The following PKP1 variants were observed in gnomAD, a reference collection of about 807,000 sequenced individuals.
The protein encoded by PKP1 is plakophilin 1.
In PKP1, 27 loss-of-function variants were observed where a neutral mutation model predicts 76.4. The observed-to-expected ratio is 0.35, with a 90% CI of 0.26 to 0.49. The LOEUF (loss-of-function observed/expected upper bound fraction) is 0.49, where lower values mean the gene tolerates loss of function less well. PKP1 is among the 20% of genes least tolerant of loss of function. The probability of loss-of-function intolerance (pLI) is 0.99; values close to 1 mark genes in which losing one functional copy is unlikely to be tolerated. For synonymous variants in PKP1, 404 were observed against 384.2 expected (o/e 1.05, Z -0.60); for missense variants, 964 against 955.2 (o/e 1.01, Z -0.12).
chr1:201,286,399 C>T (rs1655739006), intron 1 of PKP1, among the ~76,000 whole-genome samples: 1 of 152,172 alleles, frequency 6.6e-6, no homozygotes, highest in African/African-American at 2.4e-5. Context: ...GCTCCTTGTA[C>T]CCCAGGAAGG....
intron 12 of PKP1, among the ~76,000 whole-genome samples, chr1:201,327,563 G>A (rs985624277): frequency 5.9e-5 from 9 of 152,050 alleles, no homozygotes; most frequent in Non-Finnish European, 1.0e-4. Flanking sequence ...GCTTCCTCCC[G>A]CTGTGTAATG....
intron 2 of PKP1, among the ~76,000 whole-genome samples, chr1:201,303,103 C>G (rs959152558): frequency 6.6e-6 from 1 of 152,254 alleles, no homozygotes; most frequent in Non-Finnish European, 1.5e-5. Flanking sequence ...TCTACTGTCA[C>G]AATTTTTGCA....
chr1:201,288,833 G>A (rs1655815150), intron 1 of PKP1, among the ~76,000 whole-genome samples: 1 of 152,184 alleles, frequency 6.6e-6, no homozygotes, highest in Non-Finnish European at 1.5e-5. Context: ...TCTGCTGAAA[G>A]AGCAGCAGGA....
Position 201,320,393 on chromosome 1 carries a change from C to G in PKP1, c.1347+12C>G, listed in dbSNP as rs373697834. 1 of 1,553,410 alleles carries G rather than the reference C, an allele frequency of 6.4e-7. No homozygotes were observed. The highest frequency in any genetic ancestry group is 8.9e-7 in the Non-Finnish European group (1 of 1,124,796). Reference sequence around the variant, plus strand: ...GCTGTGACGACAAGGTGAGTGCATCCCCTGGTGGCACCCTGACCCCTAGGC... The same window carrying G: ...GCTGTGACGACAAGGTGAGTGCATCGCCTGGTGGCACCCTGACCCCTAGGC... On this transcript the variant is annotated intron_variant, in intron 7 of 13. Transcript: ENST00000367324.
At chr1:201,306,348 C>T (rs76906332) in intron 2 of PKP1, among the ~76,000 whole-genome samples, 62 of 152,326 alleles carry the variant, frequency 4.1e-4, no homozygotes, top group African/African-American at 1.4e-3. Context: ...CGTGTTGTCC[C>T]CACACCAGGC....
At chr1:201,312,961 T>C (rs1656603569) in intron 2 of PKP1, among the ~76,000 whole-genome samples, 1 of 152,262 alleles carries the variant, frequency 6.6e-6, no homozygotes, top group Non-Finnish European at 1.5e-5. Context: ...GTCTTCTAAA[T>C]TGATTTTATA....
intron 2 of PKP1, among the ~76,000 whole-genome samples, chr1:201,297,747 T>C (rs571086821): frequency 6.6e-6 from 1 of 152,202 alleles, no homozygotes; most frequent in South Asian, 2.1e-4. Context: ...TGCAAGACAC[T>C]CATGAGTCTG....
intron 2 of PKP1, among the ~76,000 whole-genome samples, chr1:201,301,738 T>G (rs1407297827): frequency 6.6e-6 from 1 of 152,074 alleles, no homozygotes; most frequent in Non-Finnish European, 1.5e-5. Flanking sequence ...GGGCTTTTTT[T>G]TTTTTCTTTT....
chr1:201,328,975 C>A, intron 13 of PKP1, 107 bp downstream of exon 13: 1 of 784,246 alleles, frequency 1.3e-6, no homozygotes. Flanking sequence ...CAGAAGCATC[C>A]TTTTGCCTGG....
intron 2 of PKP1, among the ~76,000 whole-genome samples, chr1:201,299,917 G>C (rs542861460): frequency 6.6e-6 from 1 of 152,342 alleles, no homozygotes; most frequent in Admixed American, 6.5e-5. Context: ...TGCCTGCCGG[G>C]CCTCTCGTCT....
At chr1:201,300,852 C>T (rs1656209064) in intron 2 of PKP1, among the ~76,000 whole-genome samples, 1 of 152,150 alleles carries the variant, frequency 6.6e-6, no homozygotes, top group Admixed American at 6.5e-5. Context: ...AGGAGCTGAG[C>T]TTTGAACTGA....
chr1:201,298,660 T>A (rs1239466669), intron 2 of PKP1, among the ~76,000 whole-genome samples: 1 of 152,240 alleles, frequency 6.6e-6, no homozygotes, highest in African/African-American at 2.4e-5. Flanking sequence ...GAGTGAGAAC[T>A]CCCAGAATAT....
At chr1:201,325,434 A>T (rs1268842777) in intron 11 of PKP1, among the ~76,000 whole-genome samples, 1 of 152,088 alleles carries the variant, frequency 6.6e-6, no homozygotes, top group African/African-American at 2.4e-5. Flanking sequence ...GTCCAACTGA[A>T]TAGGGACTTT....
chr1:201,297,578 A>T (rs1656110704), intron 2 of PKP1, among the ~76,000 whole-genome samples: 1 of 152,226 alleles, frequency 6.6e-6, no homozygotes, highest in Non-Finnish European at 1.5e-5. Context: ...GGTTACTGGT[A>T]CAGCGGACTA....
intron 5 of PKP1, 55 bp from the exon 6 acceptor site, chr1:201,318,556 ACCTCGGT>A (rs1186559548): frequency 1.3e-6 from 2 of 1,484,296 alleles, no homozygotes; most frequent in East Asian, 4.5e-5. Flanking sequence ...TGGGGCTGTT[ACCTCGGT>A]CCCTAGGGCA....
At chr1:201,322,348 G>C (rs1462587520) in intron 8 of PKP1, among the ~76,000 whole-genome samples, 1 of 152,238 alleles carries the variant, frequency 6.6e-6, no homozygotes, top group Non-Finnish European at 1.5e-5. Context: ...TCTTGGAACT[G>C]TAGGGGCTCA....
chr1:201,298,848 T>C (rs949924228), intron 2 of PKP1, among the ~76,000 whole-genome samples: 2 of 152,234 alleles, frequency 1.3e-5, no homozygotes, highest in African/African-American at 4.8e-5. Flanking sequence ...GACAATGTGC[T>C]AGGGGCCCTT....
intron 2 of PKP1, among the ~76,000 whole-genome samples, chr1:201,300,801 A>C (rs1045392122): frequency 6.6e-6 from 1 of 152,220 alleles, no homozygotes; most frequent in Non-Finnish European, 1.5e-5. Context: ...GTGTCCTCCA[A>C]GGGCAAGCTC....
chr1:201,301,211 C>A (rs1656218736), intron 2 of PKP1, among the ~76,000 whole-genome samples: 1 of 152,150 alleles, frequency 6.6e-6, no homozygotes, highest in Non-Finnish European at 1.5e-5. Flanking sequence ...AAGGCCAGGG[C>A]AATTTGGTCA....
Sources: gnomAD v4.1 joint callset for allele counts (sites outside exome capture counted in the v4.1 genomes callset) on GRCh38, gnomAD v4.1.1 for gene constraint, MANE v1.5 for transcripts, NCBI Gene and HGNC (gene_info 2026-07-23, HGNC 2026-07-21) for gene names.